The following GRK5 variants were observed in gnomAD, a reference collection of about 807,000 sequenced individuals.
GRK5 encodes G protein-coupled receptor kinase 5.
GRK5 carries 40 observed loss-of-function variants against 78.4 expected under a neutral mutation model. The ratio of observed to expected loss-of-function variants is 0.51; its 90% CI spans 0.40 to 0.66. The LOEUF (loss-of-function observed/expected upper bound fraction) is 0.66. Among genes scored for constraint, GRK5 ranks in the 30% least tolerant of loss-of-function variants. The pLI is 0.00. For missense variants in GRK5, 598 were observed against 759.9 expected (o/e 0.79, Z 2.50); for synonymous variants, 289 against 296.8 (o/e 0.97, Z 0.27).
intron 1 of GRK5, among the ~76,000 whole-genome samples, chr10:119,234,985 A>T (rs1284868707): frequency 1.9e-4 from 27 of 144,850 alleles, no homozygotes; most frequent in African/African-American, 7.0e-4. Context: ...TAATTAATTA[A>T]TTTTTTTGAG....
chr10:119,246,019 CAAAAAAAAAAAA>C (rs941734040), intron 1 of GRK5, among the ~76,000 whole-genome samples: 1 of 14,036 alleles, frequency 7.1e-5, no homozygotes, highest in Non-Finnish European at 1.4e-4. Flanking sequence ...GACTCCATCT[CAAAAAAAAAAAA>C]AAAAAAAAAA....
At chr10:119,393,105 C>T (rs945687327) in intron 3 of GRK5, among the ~76,000 whole-genome samples, 5 of 152,230 alleles carry the variant, frequency 3.3e-5, no homozygotes, top group African/African-American at 1.2e-4. Flanking sequence ...TCAGGACTCC[C>T]CTCAGGGGGC....
intron 4 of GRK5, among the ~76,000 whole-genome samples, chr10:119,403,926 T>C (rs562708319): frequency 1.3e-4 from 20 of 152,334 alleles, no homozygotes; most frequent in Middle Eastern, 3.4e-3. Flanking sequence ...CGAGCCACCG[T>C]GTCCAACCTG....
chr10:119,347,295 G>A (rs1851112162), intron 2 of GRK5, among the ~76,000 whole-genome samples: 1 of 151,912 alleles, frequency 6.6e-6, no homozygotes, highest in Non-Finnish European at 1.5e-5. Flanking sequence ...GTGCATGTGT[G>A]TGTATACATG....
intron 1 of GRK5, among the ~76,000 whole-genome samples, chr10:119,323,352 C>T (rs1850618243): frequency 6.6e-6 from 1 of 152,158 alleles, no homozygotes; most frequent in Admixed American, 6.5e-5. Context: ...TTCATGCCTG[C>T]CAGGTCTGAG....
chr10:119,381,298 C>T (rs1358255080), intron 3 of GRK5, among the ~76,000 whole-genome samples: 1 of 152,238 alleles, frequency 6.6e-6, no homozygotes, highest in African/African-American at 2.4e-5. Context: ...TTATAGAATT[C>T]CAAAGCTTTT....
At chr10:119,442,167 C>T in intron 11 of GRK5, 79 bp downstream of exon 11, 1 of 1,122,894 alleles carries the variant, frequency 8.9e-7, no homozygotes, top group Admixed American at 1.8e-5. Flanking sequence ...CAGAGCCTGC[C>T]CGCAGAGCCT....
chr10:119,255,794 C>T (rs540453741), intron 1 of GRK5, among the ~76,000 whole-genome samples: 5 of 152,260 alleles, frequency 3.3e-5, no homozygotes, highest in Admixed American at 3.3e-4. Context: ...ATGGATTGTG[C>T]TAGCAGTCGT....
At chr10:119,279,021 G>A (rs553126124) in intron 1 of GRK5, among the ~76,000 whole-genome samples, 1 of 152,306 alleles carries the variant, frequency 6.6e-6, no homozygotes, top group Non-Finnish European at 1.5e-5. Context: ...GGGATTACAG[G>A]CGTGTGCCAC....
intron 1 of GRK5, among the ~76,000 whole-genome samples, chr10:119,209,389 C>G (rs1848444058): frequency 6.6e-6 from 1 of 152,078 alleles, no homozygotes; most frequent in Non-Finnish European, 1.5e-5. Context: ...AGGTTAGTCT[C>G]CCTCCCATTG....
chr10:119,276,801 G>T (rs1849677340), intron 1 of GRK5, among the ~76,000 whole-genome samples: 2 of 152,222 alleles, frequency 1.3e-5, no homozygotes, highest in African/African-American at 4.8e-5. Context: ...AACTGTCAAA[G>T]TCAAAGCGGG....
chr10:119,352,048 G>A (rs1851193744), intron 2 of GRK5, among the ~76,000 whole-genome samples: 1 of 152,216 alleles, frequency 6.6e-6, no homozygotes, highest in African/African-American at 2.4e-5. Context: ...CTGAGTGGTA[G>A]GCTTTAGCAA....
chr10:119,285,115 A>G (rs1849825596), intron 1 of GRK5, among the ~76,000 whole-genome samples: 1 of 152,222 alleles, frequency 6.6e-6, no homozygotes, highest in Non-Finnish European at 1.5e-5. Flanking sequence ...GCTCATGTCT[A>G]GAGTGAAGTC....
chr10:119,423,207 C>G lies in GRK5; in HGVS notation c.381C>G (p.Ser127=). 1 of 1,614,190 alleles carries G rather than the reference C, an allele frequency of 6.2e-7. No individual in the cohort carries two copies. The highest frequency in any genetic ancestry group is 8.5e-7 in the Non-Finnish European group (1 of 1,179,994). Residue 127 remains serine (S), a synonymous_variant, in exon 5 of 16, where the codon TCC becomes TCG. Coordinates refer to ENST00000392870, the MANE Select transcript of GRK5 (RefSeq NM_005308.3). ...CCCAAGTTGGCCAAGACCTGGTCTC[C>G]CAGACGGAGGAGAAGCTCCTACAGA... The part of the protein sequence containing the change: ...FIAQVGQDLV[S]QTEEKLLQKP...
intron 4 of GRK5, among the ~76,000 whole-genome samples, chr10:119,405,780 T>G (rs563276331): frequency 6.6e-6 from 1 of 152,310 alleles, no homozygotes; most frequent in South Asian, 2.1e-4. Flanking sequence ...CTTGTGGCCA[T>G]CAGTCATTCT....
chr10:119,242,112 CAGA>C (rs1028345468), intron 1 of GRK5, among the ~76,000 whole-genome samples: 15 of 152,146 alleles, frequency 9.9e-5, no homozygotes, highest in African/African-American at 2.9e-4. Flanking sequence ...TGCTTTTAGG[CAGA>C]AGAAGGGCAG....
chr10:119,225,815 C>T (rs76016691), intron 1 of GRK5, among the ~76,000 whole-genome samples: 3,070 of 149,320 alleles, frequency 0.021, 68 homozygotes, highest in South Asian at 0.063. Context: ...GGACTACAGG[C>T]ATGCACCACT....
intron 1 of GRK5, among the ~76,000 whole-genome samples, chr10:119,295,281 C>T (rs1850061309): frequency 6.6e-6 from 1 of 151,686 alleles, no homozygotes; most frequent in Non-Finnish European, 1.5e-5. Flanking sequence ...TTGTGGGGCC[C>T]TAGACTCAAC....
At chr10:119,419,490 G>A (rs896332230) in intron 4 of GRK5, among the ~76,000 whole-genome samples, 4 of 152,330 alleles carry the variant, frequency 2.6e-5, no homozygotes, top group African/African-American at 7.2e-5. Flanking sequence ...TGGCAAAGGT[G>A]TCACTCCCTG....
Sources: allele counts gnomAD v4.1 joint callset (sites outside exome capture counted in the v4.1 genomes callset), GRCh38; gene constraint gnomAD v4.1.1; transcripts MANE v1.5; gene names NCBI Gene and HGNC (gene_info 2026-07-23, HGNC 2026-07-21).